The following PPIL1 variants were observed in gnomAD, a reference collection of about 807,000 sequenced individuals.
PPIL1 encodes peptidylprolyl isomerase like 1, also known as peptidyl-prolyl cis-trans isomerase-like 1.
Under a neutral mutation model 19.4 loss-of-function variants are expected in PPIL1, and 14 were observed. That is an observed-to-expected ratio of 0.72 (90% confidence interval 0.48 to 1.13). PPIL1 has a LOEUF of 1.13. Among genes scored for constraint, PPIL1 ranks in the 50% most tolerant of loss-of-function variants. The pLI, the probability that PPIL1 is intolerant of heterozygous loss-of-function variation, is 0.00. For missense variants in PPIL1, 192 were observed against 218.0 expected, an observed-to-expected ratio of 0.88 and a Z score of 0.75; for synonymous variants, 72 against 73.6, an observed-to-expected ratio of 0.98 and a Z score of 0.11.
intron 2 of PPIL1, among the ~76,000 whole-genome samples, chr6:36,860,240 G>A (rs1291528382): frequency 6.6e-6 from 1 of 152,054 alleles, no homozygotes; most frequent in Non-Finnish European, 1.5e-5. Context: ...GCTGAAGGGG[G>A]CGGATCTCTT....
At chr6:36,869,835 T>C (rs1774471545) in intron 2 of PPIL1, among the ~76,000 whole-genome samples, 1 of 152,206 alleles carries the variant, frequency 6.6e-6, no homozygotes, top group African/African-American at 2.4e-5. Context: ...GTTCTATATA[T>C]ATGAAATTAA....
chr6:36,872,058 T>C, intron 1 of PPIL1, 186 bp from the exon 2 acceptor site: 1 of 517,526 alleles, frequency 1.9e-6, no homozygotes, highest in Non-Finnish European at 3.1e-6. Flanking sequence ...ATTATCTTTT[T>C]TGAGTAAAAC....
At chr6:36,858,164 G>A (rs1284109687) in intron 2 of PPIL1, among the ~76,000 whole-genome samples, 1 of 150,318 alleles carries the variant, frequency 6.7e-6, no homozygotes. Context: ...AACCCAGTAG[G>A]TGGAGGTTGC....
At position 36,856,008 on chromosome 6, in the gene PPIL1, A is replaced by G. The variant is rs1037344391; in HGVS notation, c.306T>C (p.Asn102=). 2.5e-6 allele frequency: 4 copies of G among 1,614,192 alleles called. No homozygotes were observed. Among genetic ancestry groups the G allele is most frequent in the Non-Finnish European group, 3.4e-6 (4 of 1,180,024 alleles). ...FTGAGILAMA[N]AGPDTNGSQF... is the part of the protein sequence containing the mutation. ...GGCTGCCATTGGTATCTGGCCCCGC[A>G]TTGGCCATTGCGAGAATTCCAGCCC... The change falls in exon 4 of 4, where the codon AAT becomes AAC. Residue 102 remains asparagine, a synonymous_variant. Transcript: ENST00000373699.
intron 2 of PPIL1, among the ~76,000 whole-genome samples, chr6:36,863,158 C>G (rs1006684698): frequency 2.0e-5 from 3 of 152,150 alleles, no homozygotes; most frequent in African/African-American, 7.2e-5. Context: ...CTGAGGTAAC[C>G]CGAGCATTTT....
Position 36,855,617 on chromosome 6 carries a change from C to G in PPIL1, c.*196G>C. The G allele has an allele frequency of 1.7e-6, 1 of 604,924 alleles. No individual in the cohort carries two copies. Among genetic ancestry groups the G allele is most frequent in the East Asian group, 2.8e-5 (1 of 35,220 alleles). The allele number at this position is 604,924 out of a possible 1,614,324, so 37.5% of individuals were successfully genotyped here. A position where few individuals can be genotyped will look rare whatever the true frequency, so the allele number is the denominator to read the frequency against. On this transcript the variant is annotated 3_prime_UTR_variant, in exon 4 of 4. Coordinates refer to ENST00000373699, the MANE Select transcript of PPIL1 (RefSeq NM_016059.5). ...GGCATTTGTGCAAATGCTCTGGCAA[C>G]CTAGGCACTGGGGGAAGAGAAAAGA...
intron 2 of PPIL1, among the ~76,000 whole-genome samples, chr6:36,858,980 C>T (rs574546906): frequency 2.6e-5 from 4 of 152,140 alleles, no homozygotes; most frequent in Non-Finnish European, 2.9e-5. Context: ...TTCAGTAGTA[C>T]GCTGTCAGTC....
chr6:36,874,743 C>T lies in PPIL1; in HGVS notation c.30G>A (p.Gln10=). MAAIPPDSW[Q]PPNVYLETSM... The stretch of plus-strand genomic sequence containing the variant: ...TGGTCTCCAAGTAAACGTTGGGTGG[C>T]TGCCAGGAATCTGGGGGAATTGCCG... Residue 10 remains glutamine, a synonymous_variant, in exon 1 of 4, where the codon CAG becomes CAA. Coordinates refer to ENST00000373699, the MANE Select transcript of PPIL1 (RefSeq NM_016059.5). 6.2e-7 allele frequency: 1 copy of T among 1,614,146 alleles called. No homozygotes were observed. Among genetic ancestry groups the T allele is most frequent in the Non-Finnish European group, 8.5e-7 (1 of 1,179,982 alleles).
intron 2 of PPIL1, among the ~76,000 whole-genome samples, chr6:36,864,515 C>T (rs993439177): frequency 6.6e-6 from 1 of 152,160 alleles, no homozygotes; most frequent in Non-Finnish European, 1.5e-5. Context: ...CAAATGCTCT[C>T]AGAGAGGTTT....
intron 2 of PPIL1, among the ~76,000 whole-genome samples, chr6:36,869,566 G>A (rs1051803906): frequency 6.6e-6 from 1 of 151,938 alleles, no homozygotes; most frequent in Non-Finnish European, 1.5e-5. Context: ...TGTGATTCTT[G>A]AGCATTCTGA....
At chr6:36,872,762 C>T (rs1186433258) in intron 1 of PPIL1, among the ~76,000 whole-genome samples, 1 of 152,168 alleles carries the variant, frequency 6.6e-6, no homozygotes, top group African/African-American at 2.4e-5. Context: ...CATGCATCAC[C>T]AAGCTCAGCT....
intron 2 of PPIL1, among the ~76,000 whole-genome samples, chr6:36,859,811 T>TTGTGTGTGTGTGTGTGTGTGTGTGTGTG (rs71880744): frequency 0.01 from 1,480 of 144,900 alleles, 19 homozygotes; most frequent in Middle Eastern, 0.028. Flanking sequence ...CTGTTTTCTA[T>TTGTGTGTGTGTGTGTGTGTGTGTGTGTG]TGTGTGTGTG....
At position 36,856,904 on chromosome 6, in the gene PPIL1, T is replaced by C. The variant is rs553129236; in HGVS notation, c.212-250A>G. Among the ~76,000 whole-genome samples the C allele has an allele frequency of 2.4e-4, 37 of 152,334 alleles. No homozygotes were observed. The South Asian group carries it at 2.5e-3, about 10-fold the overall frequency. ...TTTTCCTGCACATTAAAATAATACA[T>C]GTTCACTATCAAAAAGGTAGAAAAC... On this transcript the variant is annotated intron_variant, in intron 2 of 3. Coordinates refer to ENST00000373699, the MANE Select transcript of PPIL1 (RefSeq NM_016059.5).
intron 2 of PPIL1, among the ~76,000 whole-genome samples, chr6:36,869,136 G>A (rs1044328243): frequency 6.6e-6 from 1 of 151,678 alleles, no homozygotes; most frequent in African/African-American, 2.4e-5. Flanking sequence ...AGGCATATGC[G>A]ACCATGCCCA....
chr6:36,856,181 T>C lies in PPIL1; in HGVS notation c.281-148A>G, dbSNP rs1029126393. On this transcript the variant is annotated intron_variant, in intron 3 of 3. Transcript: ENST00000373699. ...AGACAACCCCTCAGGGCAGTCTCTC[T>C]GCCCTGTACAAAGGCCATCACTACA... 30 of 785,352 alleles carry C rather than the reference T, an allele frequency of 3.8e-5. No individual in the cohort carries two copies. In the Middle Eastern group the frequency reaches 1.1e-3, roughly 28 times the overall value. The allele number at this position is 785,352 out of a possible 1,614,324, so 48.6% of individuals were successfully genotyped here.
chr6:36,855,724 A>G lies in PPIL1; in HGVS notation c.*89T>C. 7.5e-7 allele frequency: 1 copy of G among 1,341,198 alleles called. No individual in the cohort carries two copies. Among genetic ancestry groups the G allele is most frequent in the South Asian group, 1.2e-5 (1 of 81,902 alleles). 83.1% of individuals were successfully genotyped at this position (1,341,198 alleles called of 1,614,324 possible). ...AAGCTTCATGACTTGCAAAGCCAAA[A>G]TGAATTTAGCATTACATGTCATTCT... On this transcript the variant is annotated 3_prime_UTR_variant, in exon 4 of 4. Coordinates refer to ENST00000373699, the MANE Select transcript of PPIL1 (RefSeq NM_016059.5).
intron 2 of PPIL1, among the ~76,000 whole-genome samples, chr6:36,857,940 G>C (rs763493415): frequency 3.9e-5 from 6 of 152,084 alleles, no homozygotes; most frequent in Non-Finnish European, 8.8e-5. Context: ...GCAAAAGGAT[G>C]TAAGTTAGAC....
intron 3 of PPIL1, 137 bp downstream of exon 3, chr6:36,856,449 G>T: frequency 1.3e-6 from 1 of 753,554 alleles, no homozygotes; most frequent in East Asian, 2.7e-5. Context: ...TAATCCACCA[G>T]GGCACTTCAT....
intron 2 of PPIL1, among the ~76,000 whole-genome samples, chr6:36,866,792 C>T (rs186789465): frequency 1.3e-5 from 2 of 152,190 alleles, no homozygotes; most frequent in Admixed American, 6.5e-5. Flanking sequence ...GAAGTACCGA[C>T]GGAACCCTTT....
Sources: gnomAD v4.1 joint callset for allele counts (sites outside exome capture counted in the v4.1 genomes callset) on GRCh38, gnomAD v4.1.1 for gene constraint, MANE v1.5 for transcripts, NCBI Gene and HGNC (gene_info 2026-07-23, HGNC 2026-07-21) for gene names.